The following DIS3L2 variants were observed in gnomAD, a reference collection of about 807,000 sequenced individuals.
DIS3L2 encodes DIS3 like 3'-5' exoribonuclease 2.
In DIS3L2, 34 loss-of-function variants were observed where a neutral mutation model predicts 97.5. The ratio of observed to expected loss-of-function variants is 0.35; its 90% CI spans 0.27 to 0.46. DIS3L2 has a LOEUF of 0.46. DIS3L2 is among the 20% of genes least tolerant of loss of function. The pLI is 1.00. For synonymous variants in DIS3L2, 435 were observed against 445.2 expected, an observed-to-expected ratio of 0.98 and a Z score of 0.29; for missense variants, 1,038 against 1,146.0, an observed-to-expected ratio of 0.91 and a Z score of 1.36.
intron 5 of DIS3L2, among the ~76,000 whole-genome samples, chr2:232,033,214 C>T (rs2106243427): frequency 1.3e-5 from 2 of 151,560 alleles, no homozygotes; most frequent in South Asian, 2.1e-4. Context: ...AAGTTGTATT[C>T]GTAGGTACTT....
chr2:232,310,004 C>T (rs1385917082), intron 14 of DIS3L2, among the ~76,000 whole-genome samples: 1 of 152,208 alleles, frequency 6.6e-6, no homozygotes, highest in African/African-American at 2.4e-5. Flanking sequence ...CCCAGCAGCT[C>T]TGACAACTTC....
chr2:232,130,651 G>C lies in DIS3L2; in HGVS notation c.634G>C (p.Asp212His). ...REDGDAPVTK[D>H]ETTCISQDTR... is the part of the protein sequence containing the mutation. ...GGATGGTGATGCACCGGTTACAAAAGATGAGACCACCTGCATTTCACAAGA... is the reference window on the plus strand; with the variant it reads ...GGATGGTGATGCACCGGTTACAAAACATGAGACCACCTGCATTTCACAAGA... Residue 212 changes from aspartate to histidine, a missense_variant, in exon 7 of 21, where the codon GAT becomes CAT. Transcript: ENST00000325385. The C allele has an allele frequency of 6.2e-7, 1 of 1,613,288 alleles. No individual in the cohort carries two copies. The highest frequency in any genetic ancestry group is 8.5e-7 in the Non-Finnish European group (1 of 1,179,596).
At chr2:232,288,100 C>T (rs1370237564) in intron 13 of DIS3L2, among the ~76,000 whole-genome samples, 1 of 152,046 alleles carries the variant, frequency 6.6e-6, no homozygotes, top group Non-Finnish European at 1.5e-5. Flanking sequence ...GGGGAGCAGG[C>T]AGCTGGGGAA....
At chr2:232,202,304 A>G (rs1487253320) in intron 9 of DIS3L2, among the ~76,000 whole-genome samples, 1 of 152,228 alleles carries the variant, frequency 6.6e-6, no homozygotes, top group Non-Finnish European at 1.5e-5. Context: ...AGGCTGTGGC[A>G]GGAGAACCGC....
chr2:232,161,437 A>G lies in DIS3L2; in HGVS notation c.951-2022A>G, dbSNP rs74565735. Among the ~76,000 whole-genome samples, 1,369 of 152,184 alleles carry G rather than the reference A, an allele frequency of 9.0e-3. 16 individuals carry two copies. Among genetic ancestry groups the G allele is most frequent in the African/African-American group, 0.032 (1,309 of 41,548 alleles). On this transcript the variant is annotated intron_variant, in intron 8 of 20. Transcript: ENST00000325385. ...TGTTGACATGTTATGTTTTCATTCA[A>G]TTCAAAATTCCCTTCCTCCCTCTCT...
intron 8 of DIS3L2, among the ~76,000 whole-genome samples, chr2:232,148,286 A>T (rs1349065875): frequency 6.6e-6 from 1 of 152,008 alleles, no homozygotes; most frequent in Non-Finnish European, 1.5e-5. Context: ...TGACTTCGTG[A>T]TCCACCCGCC....
At chr2:232,139,582 T>C (rs1024952554) in intron 8 of DIS3L2, among the ~76,000 whole-genome samples, 2 of 152,148 alleles carry the variant, frequency 1.3e-5, no homozygotes, top group African/African-American at 4.8e-5. Context: ...ACAGATGGCT[T>C]GAATGGCTTA....
intron 5 of DIS3L2, among the ~76,000 whole-genome samples, chr2:232,054,499 C>G (rs1303763755): frequency 6.6e-6 from 1 of 152,108 alleles, no homozygotes. Context: ...TTTCTTTTAG[C>G]AGAGACCTCT....
intron 12 of DIS3L2, among the ~76,000 whole-genome samples, chr2:232,256,025 C>T (rs566683235): frequency 6.6e-6 from 1 of 152,378 alleles, no homozygotes; most frequent in African/African-American, 2.4e-5. Flanking sequence ...ACTGTCCTTG[C>T]AGCCTCTGCT....
intron 13 of DIS3L2, among the ~76,000 whole-genome samples, chr2:232,270,906 C>CTCTCTGTCTCG (rs1693987951): frequency 7.4e-6 from 1 of 135,206 alleles, no homozygotes; most frequent in Non-Finnish European, 1.6e-5. Context: ...CTCTCTCTCT[C>CTCTCTGTCTCG]TCTCTCTCTG....
intron 14 of DIS3L2, among the ~76,000 whole-genome samples, chr2:232,322,884 A>G (rs1695475688): frequency 6.7e-6 from 1 of 149,804 alleles, no homozygotes; most frequent in African/African-American, 2.6e-5. Flanking sequence ...GCGATGGCCC[A>G]GCTGGCCTCC....
chr2:232,098,847 C>G (rs1697110642), intron 6 of DIS3L2, among the ~76,000 whole-genome samples: 1 of 152,050 alleles, frequency 6.6e-6, no homozygotes, highest in African/African-American at 2.4e-5. Context: ...TGTCTATTAA[C>G]TTTGTGTGGC....
At chr2:232,311,452 G>A (rs1308680631) in intron 14 of DIS3L2, among the ~76,000 whole-genome samples, 1 of 152,238 alleles carries the variant, frequency 6.6e-6, no homozygotes, top group Non-Finnish European at 1.5e-5. Flanking sequence ...ATGGCCAGGT[G>A]CAGTGGCTCA....
chr2:232,216,464 C>T (rs1559159138), intron 10 of DIS3L2, among the ~76,000 whole-genome samples: 1 of 152,160 alleles, frequency 6.6e-6, no homozygotes, highest in Non-Finnish European at 1.5e-5. Context: ...GCCTGGTTTC[C>T]CCTTTCCCTG....
intron 14 of DIS3L2, 27 bp from the exon 15 acceptor site, chr2:232,329,786 C>CCCCGGGGGGGCG: frequency 4.6e-6 from 2 of 430,238 alleles, no homozygotes; most frequent in African/African-American, 2.1e-5. Context: ...CCCCAGCGGT[C>CCCCGGGGGGGCG]CCTCCCATCC....
intron 5 of DIS3L2, among the ~76,000 whole-genome samples, chr2:232,072,783 G>GGTGT (rs56884799): frequency 0.14 from 19,170 of 139,626 alleles, 1,488 homozygotes; most frequent in Middle Eastern, 0.25. Context: ...TGGGATGTGG[G>GGTGT]GTGTGTGTGT....
chr2:232,043,304 C>T (rs985005767), intron 5 of DIS3L2, among the ~76,000 whole-genome samples: 2 of 152,102 alleles, frequency 1.3e-5, no homozygotes, highest in Non-Finnish European at 2.9e-5. Flanking sequence ...TTAAAATGCC[C>T]CTGTCCAGAA....
chr2:232,297,306 C>T (rs1040663498), intron 13 of DIS3L2, among the ~76,000 whole-genome samples: 1 of 152,208 alleles, frequency 6.6e-6, no homozygotes, highest in Non-Finnish European at 1.5e-5. Flanking sequence ...GCCTGCCTTG[C>T]CAGCTCATCT....
chr2:232,098,248 G>A (rs1697084801), intron 6 of DIS3L2, among the ~76,000 whole-genome samples: 1 of 152,076 alleles, frequency 6.6e-6, no homozygotes, highest in African/African-American at 2.4e-5. Context: ...ATTAACTGAA[G>A]CTTCCATCTA....
Sources: allele counts gnomAD v4.1 joint callset (sites outside exome capture counted in the v4.1 genomes callset), GRCh38; gene constraint gnomAD v4.1.1; transcripts MANE v1.5; gene names NCBI Gene and HGNC (gene_info 2026-07-23, HGNC 2026-07-21).